CFAP144: variants seen among roughly 807,000 people sequenced by gnomAD.
CFAP144 encodes cilia and flagella associated protein 144.
the CFAP144 span, among the ~76,000 whole-genome samples, chr1:43,155,899 T>C: frequency 6.6e-6 from 1 of 152,236 alleles, no homozygotes; most frequent in Non-Finnish European, 1.5e-5. Context: ...TCTATGTGAC[T>C]CTTTCAACAA....
At chr1:43,145,550 C>G in the CFAP144 span, among the ~76,000 whole-genome samples, 3 of 152,170 alleles carry the variant, frequency 2.0e-5, no homozygotes, top group African/African-American at 7.2e-5. Flanking sequence ...GGGTGAGCCT[C>G]TTGCTCAGGC....
the CFAP144 span, among the ~76,000 whole-genome samples, chr1:43,154,343 T>TTA: frequency 7.5e-5 from 11 of 145,962 alleles, no homozygotes; most frequent in Non-Finnish European, 1.2e-4. Context: ...TCCCCTCTTT[T>TTA]TATATATATA....
At chr1:43,154,188 A>C in the CFAP144 span, among the ~76,000 whole-genome samples, 1 of 140,734 alleles carries the variant, frequency 7.1e-6, no homozygotes, top group Non-Finnish European at 1.5e-5. Context: ...ATATGTAAAT[A>C]TATATAAATA....
chr1:43,153,108 A>C, the CFAP144 span: 1 of 700,858 alleles, frequency 1.4e-6, no homozygotes, highest in Non-Finnish European at 2.3e-6. Context: ...AATGGAGCTA[A>C]TACAGTACCT....
chr1:43,145,544 G>C, the CFAP144 span, among the ~76,000 whole-genome samples: 2 of 152,202 alleles, frequency 1.3e-5, no homozygotes, highest in African/African-American at 4.8e-5. Flanking sequence ...CTCTGAGGGT[G>C]AGCCTCTTGC....
At chr1:43,150,496 G>T in the CFAP144 span, among the ~76,000 whole-genome samples, 1 of 152,242 alleles carries the variant, frequency 6.6e-6, no homozygotes, top group Non-Finnish European at 1.5e-5. Context: ...AGGAACTGAA[G>T]TGTTCATTGT....
At chr1:43,150,794 A>G in the CFAP144 span, 14 of 1,610,598 alleles carry the variant, frequency 8.7e-6, no homozygotes, top group Middle Eastern at 3.3e-4. Context: ...ATGTCTTGGC[A>G]TGATAACCTG....
chr1:43,153,359 C>T, the CFAP144 span, among the ~76,000 whole-genome samples: 1 of 152,296 alleles, frequency 6.6e-6, no homozygotes. Context: ...CCTGGCATCC[C>T]AGCACTTTGG....
the CFAP144 span, among the ~76,000 whole-genome samples, chr1:43,143,744 A>G: frequency 6.6e-6 from 1 of 152,226 alleles, no homozygotes; most frequent in African/African-American, 2.4e-5. Context: ...AAGAGAACAC[A>G]GGAACCAAGA....
At chr1:43,156,384 A>G in the CFAP144 span, 3 of 1,214,494 alleles carry the variant, frequency 2.5e-6, no homozygotes, top group Non-Finnish European at 3.7e-6. Flanking sequence ...ATAAAATACT[A>G]CTTTAAAACG....
the CFAP144 span, chr1:43,153,010 G>A: frequency 1.3e-6 from 2 of 1,510,086 alleles, no homozygotes; most frequent in Admixed American, 2.0e-5. Flanking sequence ...AGAGCAGGGG[G>A]CCAGACATGC....
chr1:43,151,052 A>G, the CFAP144 span, among the ~76,000 whole-genome samples: 3 of 152,226 alleles, frequency 2.0e-5, no homozygotes, highest in Admixed American at 6.5e-5. Flanking sequence ...AAAGATGGAC[A>G]TACTCAATTA....
the CFAP144 span, among the ~76,000 whole-genome samples, chr1:43,151,757 G>A: frequency 5.3e-5 from 8 of 152,124 alleles, no homozygotes; most frequent in Non-Finnish European, 4.4e-5. Context: ...AGATGACCGC[G>A]GCTGGGATGG....
At chr1:43,147,945 C>T in the CFAP144 span, 1 of 1,613,784 alleles carries the variant, frequency 6.2e-7, no homozygotes, top group Non-Finnish European at 8.5e-7. Context: ...CGTGGCAGCC[C>T]AAGGCCATGG....
At chr1:43,147,735 G>A in the CFAP144 span, 2 of 1,414,114 alleles carry the variant, frequency 1.4e-6, no homozygotes, top group Non-Finnish European at 1.8e-6. Flanking sequence ...TGCCAGAATA[G>A]GGCGGGGCGC....
the CFAP144 span, among the ~76,000 whole-genome samples, chr1:43,153,868 A>G: frequency 6.7e-6 from 1 of 150,374 alleles, no homozygotes; most frequent in South Asian, 2.1e-4. Flanking sequence ...GAGTCTTTAA[A>G]TCTGCTTATG....
At chr1:43,148,930 T>C in the CFAP144 span, among the ~76,000 whole-genome samples, 1 of 152,166 alleles carries the variant, frequency 6.6e-6, no homozygotes, top group South Asian at 2.1e-4. Flanking sequence ...TGCATATGGA[T>C]TCCTCTCTGC....
the CFAP144 span, among the ~76,000 whole-genome samples, chr1:43,149,689 T>C: frequency 6.6e-6 from 1 of 152,226 alleles, no homozygotes; most frequent in Non-Finnish European, 1.5e-5. Context: ...TCCCAGCTCA[T>C]GTCCCTTGAG....
At chr1:43,154,482 C>G in the CFAP144 span, among the ~76,000 whole-genome samples, 1 of 150,276 alleles carries the variant, frequency 6.7e-6, no homozygotes, top group African/African-American at 2.5e-5. Context: ...TACAAAGAGA[C>G]AGGTATGGTT....
Sources: allele counts gnomAD v4.1 joint callset (sites outside exome capture counted in the v4.1 genomes callset), GRCh38; gene constraint gnomAD v4.1.1; transcripts MANE v1.5; gene names NCBI Gene and HGNC (gene_info 2026-07-23, HGNC 2026-07-21).